PRPSAP2: variants seen among roughly 807,000 people sequenced by gnomAD.
PRPSAP2 encodes the protein phosphoribosyl pyrophosphate synthetase associated protein 2.
A neutral mutation model predicts 40.6 loss-of-function variants in PRPSAP2; 24 were observed. The observed-to-expected ratio is 0.59, with a 90% CI of 0.43 to 0.83. The LOEUF is 0.83. PRPSAP2 is among the 40% of genes least tolerant of loss of function. The pLI, the probability that PRPSAP2 is intolerant of heterozygous loss-of-function variation, is 0.00. For synonymous variants in PRPSAP2, 149 were observed against 164.7 expected (o/e 0.90, Z 0.73); for missense variants, 292 against 465.6 (o/e 0.63, Z 3.43).
At chr17:18,892,632 G>A (rs2039618384) in intron 8 of PRPSAP2, among the ~76,000 whole-genome samples, 2 of 139,892 alleles carry the variant, frequency 1.4e-5, no homozygotes, top group South Asian at 4.6e-4. Context: ...TCAGTATGTT[G>A]CTCAGGCTGG....
At chr17:18,919,320 A>C (rs747632420) in intron 9 of PRPSAP2, among the ~76,000 whole-genome samples, 1 of 152,206 alleles carries the variant, frequency 6.6e-6, no homozygotes, top group South Asian at 2.1e-4. Context: ...CAAACTGACC[A>C]AGATGGCGAA....
At chr17:18,862,223 C>G (rs915655432) in intron 1 of PRPSAP2, among the ~76,000 whole-genome samples, 2 of 152,172 alleles carry the variant, frequency 1.3e-5, no homozygotes, top group Non-Finnish European at 2.9e-5. Flanking sequence ...GAATGATGGG[C>G]CCTCAGCGGA....
At chr17:18,913,928 C>G (rs1420518667) in intron 9 of PRPSAP2, among the ~76,000 whole-genome samples, 1 of 151,650 alleles carries the variant, frequency 6.6e-6, no homozygotes, top group African/African-American at 2.4e-5. Flanking sequence ...ATAATCCCAG[C>G]ACTTTGGGAG....
intron 8 of PRPSAP2, among the ~76,000 whole-genome samples, chr17:18,900,751 G>A (rs2040217575): frequency 6.6e-6 from 1 of 152,108 alleles, no homozygotes; most frequent in Admixed American, 6.6e-5. Context: ...TTACTCATGG[G>A]TGGAAATGCT....
intron 6 of PRPSAP2, among the ~76,000 whole-genome samples, chr17:18,881,750 T>C (rs929780901): frequency 1.3e-5 from 2 of 151,650 alleles, no homozygotes; most frequent in African/African-American, 2.4e-5. Context: ...CCCAGGCTGA[T>C]CTCAAACTCC....
chr17:18,887,705 A>G (rs1438616242), intron 7 of PRPSAP2, among the ~76,000 whole-genome samples: 1 of 151,924 alleles, frequency 6.6e-6, no homozygotes, highest in Non-Finnish European at 1.5e-5. Flanking sequence ...CCTTGTCTTG[A>G]TCTTCCCTGG....
intron 10 of PRPSAP2, among the ~76,000 whole-genome samples, chr17:18,928,062 G>A (rs993160163): frequency 2.0e-5 from 3 of 152,132 alleles, no homozygotes; most frequent in Non-Finnish European, 4.4e-5. Flanking sequence ...GGGACTACAG[G>A]CATGAGCCAC....
intron 8 of PRPSAP2, among the ~76,000 whole-genome samples, chr17:18,899,768 C>T (rs981165117): frequency 2.6e-5 from 4 of 151,932 alleles, no homozygotes; most frequent in African/African-American, 9.7e-5. Context: ...CTCCTGAGCT[C>T]AAGTGATCTG....
Position 18,911,010 on chromosome 17 carries a change from TCTA to T in PRPSAP2, c.585-90_585-88del. 7.4e-7 allele frequency: 1 copy of T among 1,359,126 alleles called. No homozygotes were observed. Among genetic ancestry groups the T allele is most frequent in the Non-Finnish European group, 9.8e-7 (1 of 1,025,634 alleles). The allele number at this position is 1,359,126 out of a possible 1,614,324, so 84.2% of individuals were successfully genotyped here. A position where few individuals can be genotyped will look rare whatever the true frequency, so the allele number is the denominator to read the frequency against. ...TCTTTAGTCCTTTGGGAGACAACAT[TCTA>T]CTTATGTTCTCTTAATGTTTTGTCC... On this transcript the variant is annotated intron_variant, in intron 8 of 11. Transcript: ENST00000268835. This position sits in a 1 kb window ranked among gnomAD's most constrained non-coding sequence, Gnocchi z 4.5.
intron 9 of PRPSAP2, among the ~76,000 whole-genome samples, chr17:18,922,668 ATTTTTTTTTTTT>A (rs57263191): frequency 1.1e-5 from 1 of 89,840 alleles, no homozygotes; most frequent in Non-Finnish European, 2.1e-5. Context: ...TATATATATA[ATTTTTTTTTTTT>A]TTTTTTTTTT....
In PRPSAP2 at chr17:18,924,108, C is replaced by T. The variant is rs369198310; in HGVS notation, c.804+124C>T. ...AGGCTGGAGTGCAGTGGCACAATCT[C>T]GGCTCACTGCAACTTCTGCCTCCCA... is the stretch of plus-strand genomic sequence containing the variant. On this transcript the variant is annotated intron_variant, in intron 10 of 11. Coordinates refer to ENST00000268835, the MANE Select transcript of PRPSAP2 (RefSeq NM_002767.4). 3.0e-5 allele frequency: 25 copies of T among 839,008 alleles called. No individual in the cohort carries two copies. In the East Asian group the frequency reaches 3.7e-4, roughly 12 times the overall value. The allele number at this position is 839,008 out of a possible 1,614,324, so 52.0% of individuals were successfully genotyped here. A position where few individuals can be genotyped will look rare whatever the true frequency, so the allele number is the denominator to read the frequency against.
intron 7 of PRPSAP2, among the ~76,000 whole-genome samples, chr17:18,885,970 G>A (rs34791187): frequency 0.092 from 14,066 of 152,146 alleles, 753 homozygotes; most frequent in Middle Eastern, 0.14. Context: ...TGATCTGCCT[G>A]CCTCAGCTTC....
intron 4 of PRPSAP2, among the ~76,000 whole-genome samples, chr17:18,868,680 A>G (rs75916175): frequency 0.089 from 13,441 of 151,630 alleles, 711 homozygotes; most frequent in African/African-American, 0.14. Flanking sequence ...TGCTCAATAT[A>G]TACTTATTCC....
chr17:18,928,570 G>T, intron 10 of PRPSAP2: 1 of 499,214 alleles, frequency 2.0e-6, no homozygotes, highest in South Asian at 1.9e-5. Flanking sequence ...GGAGCCTGGA[G>T]TGTGGTGGGA....
At chr17:18,867,384 A>C in intron 4 of PRPSAP2, 50 bp downstream of exon 4, 1 of 1,573,398 alleles carries the variant, frequency 6.4e-7, no homozygotes, top group South Asian at 1.1e-5. Context: ...GAAATGTGGC[A>C]TATTGGCTCC....
chr17:18,887,396 G>A (rs2039243566), intron 7 of PRPSAP2, among the ~76,000 whole-genome samples: 1 of 151,886 alleles, frequency 6.6e-6, no homozygotes, highest in Non-Finnish European at 1.5e-5. Flanking sequence ...ACCACGCCTG[G>A]CTAATTTTGT....
At chr17:18,871,486 A>C (rs2151892910) in intron 4 of PRPSAP2, among the ~76,000 whole-genome samples, 3 of 152,132 alleles carry the variant, frequency 2.0e-5, no homozygotes, top group Middle Eastern at 6.8e-3. Flanking sequence ...GTCTTGTAGA[A>C]TGTCCCATTA....
chr17:18,901,095 G>A lies in PRPSAP2; in HGVS notation c.585-10008G>A, dbSNP rs371709869. On this transcript the variant is annotated intron_variant, in intron 8 of 11. Transcript: ENST00000268835. ...TTTACTCATGCGGCGGAAATGTGGC[G>A]GAAACGTGGGCTGTGGCTTTCCTGC... is the stretch of plus-strand genomic sequence containing the variant. 2.0e-5 allele frequency among the ~76,000 whole-genome samples: 3 copies of A among 152,086 alleles called. No individual in the cohort carries two copies. The East Asian group carries it at 5.8e-4, about 29-fold the overall frequency.
intron 9 of PRPSAP2, among the ~76,000 whole-genome samples, chr17:18,914,249 CTTTTTTTTTTTT>C (rs60892883): frequency 6.2e-5 from 3 of 48,104 alleles, no homozygotes; most frequent in South Asian, 2.3e-3. Context: ...CATGTTTTTG[CTTTTTTTTTTTT>C]TTTTTTTTTT....
Sources: allele counts gnomAD v4.1 joint callset (sites outside exome capture counted in the v4.1 genomes callset), GRCh38; gene constraint gnomAD v4.1.1; non-coding constraint Gnocchi (gnomAD v3.1); transcripts MANE v1.5; gene names NCBI Gene and HGNC (gene_info 2026-07-23, HGNC 2026-07-21).